The following DNAH10 variants were observed in gnomAD, a reference collection of about 807,000 sequenced individuals.
DNAH10 encodes dynein axonemal heavy chain 10.
In DNAH10, 348 loss-of-function variants were observed where a neutral mutation model predicts 506.6. That is an observed-to-expected ratio of 0.69 (90% CI 0.63 to 0.75). The LOEUF is 0.75. Among genes scored for constraint, DNAH10 ranks in the 30% least tolerant of loss-of-function variants. The probability of loss-of-function intolerance (pLI) is 0.00; values close to 1 mark genes in which losing one functional copy is unlikely to be tolerated. For synonymous variants in DNAH10, 2,059 were observed against 2,198.6 expected, an observed-to-expected ratio of 0.94 and a Z score of 1.78; for missense variants, 5,179 against 5,787.1, an observed-to-expected ratio of 0.89 and a Z score of 3.41.
At chr12:123,894,021 T>C (rs1290122508) in intron 53 of DNAH10, among the ~76,000 whole-genome samples, 1 of 151,850 alleles carries the variant, frequency 6.6e-6, no homozygotes, top group African/African-American at 2.4e-5. Context: ...TTCACCAACT[T>C]GTTGGCTATT....
At chr12:123,841,823 C>T (rs1353127051) in intron 30 of DNAH10, among the ~76,000 whole-genome samples, 1 of 152,156 alleles carries the variant, frequency 6.6e-6, no homozygotes, top group African/African-American at 2.4e-5. Flanking sequence ...GTAGCTGGGA[C>T]TACAGTTGTG....
chr12:123,867,675 G>C, intron 42 of DNAH10, 74 bp downstream of exon 42: 1 of 1,583,320 alleles, frequency 6.3e-7, no homozygotes, highest in Non-Finnish European at 8.6e-7. Flanking sequence ...GTTTTAAAGG[G>C]AGTGAAGATG....
chr12:123,876,500 G>T (rs1055560855), intron 47 of DNAH10, among the ~76,000 whole-genome samples: 1 of 152,126 alleles, frequency 6.6e-6, no homozygotes, highest in African/African-American at 2.4e-5. Flanking sequence ...GGGTGTGGTG[G>T]CAGGCACCTG....
In DNAH10 at chr12:123,873,598, T is replaced by C; in HGVS notation, c.7826T>C (p.Met2609Thr). ...MVNFSSRTTS[M>T]DIQRNLEANV... ...AACTTCTCCTCCCGCACCACGTCCA[T>C]GGATATCCAAAGAAATTTAGAAGCA... The change falls in exon 46 of 79, where the codon ATG becomes ACG. Residue 2609 changes from methionine (M) to threonine (T), a missense_variant. Met to Thr is a moderately conservative substitution (Grantham distance 81). Transcript: ENST00000673944. 1.2e-6 allele frequency: 2 copies of C among 1,613,794 alleles called. No individual in the cohort carries two copies. The highest frequency in any genetic ancestry group is 1.7e-6 in the Non-Finnish European group (2 of 1,179,816).
chr12:123,856,988 G>A, intron 36 of DNAH10, 68 bp from the exon 37 acceptor site: 1 of 1,310,540 alleles, frequency 7.6e-7, no homozygotes, highest in Non-Finnish European at 1.0e-6. Flanking sequence ...CCACTGGGTT[G>A]GAAACACAGT....
At chr12:123,831,685 G>A (rs903747157) in intron 26 of DNAH10, among the ~76,000 whole-genome samples, 1 of 152,126 alleles carries the variant, frequency 6.6e-6, no homozygotes, top group Non-Finnish European at 1.5e-5. Context: ...GAGGTCAGGA[G>A]ATCGAGACCA....
intron 24 of DNAH10, among the ~76,000 whole-genome samples, chr12:123,825,358 T>A (rs1466566183): frequency 6.6e-6 from 1 of 152,146 alleles, no homozygotes; most frequent in Non-Finnish European, 1.5e-5. Context: ...GCATTGTTGG[T>A]AATAGCCCAA....
Position 123,819,187 on chromosome 12 carries a change from G to C in DNAH10, c.3937G>C (p.Glu1313Gln), listed in dbSNP as rs933398308. 1 of 1,613,652 alleles carries C rather than the reference G, an allele frequency of 6.2e-7. No individual in the cohort carries two copies. The highest frequency in any genetic ancestry group is 1.1e-5 in the South Asian group (1 of 90,936). ...AATAATGAACTACAGAGTTCAGATA[G>C]AGGAGTTTGCAAAGCGTTTTTACAG... Reference protein sequence around the residue: ...GEIMNYRVQIEEFAKRFYSEG... With the variant: ...GEIMNYRVQIQEFAKRFYSEG... The change falls in exon 23 of 79, where the codon GAG becomes CAG. Residue 1313 changes from glutamate to glutamine, a missense_variant. Coordinates refer to ENST00000673944, the MANE Select transcript of DNAH10 (RefSeq NM_001372106.1).
rs1391106266 is a variant in DNAH10, at chr12:123,853,534, A to T, written c.6438+182A>T. Among the ~76,000 whole-genome samples the T allele has an allele frequency of 2.0e-5, 3 of 152,136 alleles. No homozygotes were observed. The highest frequency in any genetic ancestry group is 7.2e-5 in the African/African-American group (3 of 41,418). ...CCTGTTGTATCGTTTGCTTGTAATT[A>T]CACTTAGTACCTTAAGGTCAAGTGC... On this transcript the variant is annotated intron_variant, in intron 36 of 78. Coordinates refer to ENST00000673944, the MANE Select transcript of DNAH10 (RefSeq NM_001372106.1). This position sits in a 1 kb window ranked among gnomAD's most constrained non-coding sequence, Gnocchi z 4.7.
Position 123,820,807 on chromosome 12 carries a change from T to C in DNAH10, c.4179+49T>C, listed in dbSNP as rs1185150017. On this transcript the variant is annotated intron_variant, in intron 24 of 78. Transcript: ENST00000673944. ...GGACTCAGGCTCACTGAAGGGGATGTAGGAATTACTTAAGCCCTGCAGACT... is the reference window on the plus strand; with the variant it reads ...GGACTCAGGCTCACTGAAGGGGATGCAGGAATTACTTAAGCCCTGCAGACT... The C allele has an allele frequency of 2.5e-6, 4 of 1,592,720 alleles. No homozygotes were observed. The Admixed American group carries it at 5.1e-5, about 20-fold the overall frequency.
At position 123,917,745 on chromosome 12, in the gene DNAH10, A is replaced by T; in HGVS notation, c.11164A>T (p.Thr3722Ser). 1 of 1,574,462 alleles carries T rather than the reference A, an allele frequency of 6.4e-7. No homozygotes were observed. The highest frequency in any genetic ancestry group is 1.4e-5 in the African/African-American group (1 of 74,010). Reference sequence around the variant, plus strand: ...CCTCCTTCGGGAGCTGGCCACGTCCACGGGGAACATGCTGGACAATGTGGA... The same window carrying T: ...CCTCCTTCGGGAGCTGGCCACGTCCTCGGGGAACATGCTGGACAATGTGGA... ...DSLLRELATSTGNMLDNVDLV... is the reference protein window; with the variant it reads ...DSLLRELATSSGNMLDNVDLV... The change falls in exon 64 of 79, where the codon ACG (threonine) becomes TCG (serine). Residue 3722 changes from threonine to serine, a missense_variant. Physicochemically the swap from Thr to Ser is moderately conservative, Grantham distance 58 (BLOSUM62 1). Around this residue, in one of 3 missense-constraint regions of DNAH10, gnomAD observed 4,844 missense variants for 5,430.5 expected, o/e 0.89. Transcript: ENST00000673944. This position sits in a 1 kb window ranked among gnomAD's most constrained non-coding sequence, Gnocchi z 5.6.
intron 32 of DNAH10, among the ~76,000 whole-genome samples, chr12:123,847,146 C>G (rs1448652593): frequency 9.9e-6 from 1 of 100,546 alleles, no homozygotes; most frequent in Non-Finnish European, 1.7e-5. Flanking sequence ...ATCTACATAT[C>G]CATCCATCCA....
At chr12:123,869,790 G>T (rs540778703) in intron 43 of DNAH10, among the ~76,000 whole-genome samples, 2 of 152,284 alleles carry the variant, frequency 1.3e-5, no homozygotes, top group Admixed American at 1.3e-4. Flanking sequence ...CATCCTGTCA[G>T]CTCTTAGACA....
chr12:123,782,624 C>T (rs1957707020), intron 6 of DNAH10, among the ~76,000 whole-genome samples: 1 of 151,838 alleles, frequency 6.6e-6, no homozygotes, highest in Non-Finnish European at 1.5e-5. Flanking sequence ...ATTGGCCAGG[C>T]TGGTCTCGAA....
chr12:123,786,018 A>C, intron 9 of DNAH10, 82 bp downstream of exon 9: 3 of 1,340,300 alleles, frequency 2.2e-6, no homozygotes, highest in Non-Finnish European at 3.0e-6. Flanking sequence ...CTATTGAGCT[A>C]TAATTCACAT....
Position 123,835,491 on chromosome 12 carries a change from C to G in DNAH10, c.4865C>G (p.Ala1622Gly). Reference protein sequence around the residue: ...GDIRSQLPEEAKKFDNIDKVF... With the variant: ...GDIRSQLPEEGKKFDNIDKVF... ...ATAAGATCACAACTTCCGGAAGAGG[C>G]AAAAAAGTTTGACAACATCGATAAA... is the stretch of plus-strand genomic sequence containing the variant. Residue 1622 changes from alanine to glycine, a missense_variant, in exon 28 of 79, where the codon GCA (alanine) becomes GGA (glycine). Transcript: ENST00000673944. The G allele has an allele frequency of 6.2e-7, 1 of 1,607,416 alleles. No individual in the cohort carries two copies. Among genetic ancestry groups the G allele is most frequent in the South Asian group, 1.1e-5 (1 of 89,536 alleles).
At chr12:123,777,783 G>A (rs1957495185) in intron 5 of DNAH10, among the ~76,000 whole-genome samples, 1 of 152,012 alleles carries the variant, frequency 6.6e-6, no homozygotes, top group Non-Finnish European at 1.5e-5. Flanking sequence ...GTAGCTGGGA[G>A]GATTACTAAA....
rs1287640676 is a variant in DNAH10 at position 123,895,811 on chromosome 12, C to T, written c.9280+1088C>T. On this transcript the variant is annotated intron_variant, in intron 54 of 78. Coordinates refer to ENST00000673944, the MANE Select transcript of DNAH10 (RefSeq NM_001372106.1). ...AGAATTTGCTTAGAACTTTTTTGTC[C>T]TTAGAATATACTCCCTGGAGGCCAG... Among the ~76,000 whole-genome samples the T allele has an allele frequency of 3.3e-5, 5 of 151,950 alleles. No homozygotes were observed. The South Asian group carries it at 8.3e-4, about 25-fold the overall frequency.
rs1955454368 is a variant in DNAH10, at chr12:123,935,466, C to A, written c.13755C>A (p.Thr4585=). 1 of 1,588,818 alleles carries A rather than the reference C, an allele frequency of 6.3e-7. No individual in the cohort carries two copies. ...GGGTGCTGCAAGGAGTATGCCTCAC[C>A]CTGAATTCTGATTAACCTTTGGGTG... ...SHWVLQGVCL[T]LNSD is the part of the protein sequence containing the mutation. The change falls in exon 79 of 79, where the codon ACC becomes ACA. Residue 4585 remains threonine (T), a synonymous_variant. Transcript: ENST00000673944.
Sources: allele counts gnomAD v4.1 joint callset (sites outside exome capture counted in the v4.1 genomes callset), GRCh38; gene constraint gnomAD v4.1.1; regional missense constraint gnomAD v4.1.1; non-coding constraint Gnocchi (gnomAD v3.1); transcripts MANE v1.5; gene names NCBI Gene and HGNC (gene_info 2026-07-23, HGNC 2026-07-21).